Variants in ATP2A3 observed in about 807,000 individuals in gnomAD.
ATP2A3 encodes ATPase sarcoplasmic/endoplasmic reticulum Ca2+ transporting 3.
Under a neutral mutation model 106.8 loss-of-function variants are expected in ATP2A3, and 61 were observed. The observed-to-expected ratio is 0.57, with a 90% CI of 0.46 to 0.71. The LOEUF (loss-of-function observed/expected upper bound fraction) is 0.71, where lower values mean the gene tolerates loss of function less well. Among genes scored for constraint, ATP2A3 ranks in the 30% least tolerant of loss-of-function variants. ATP2A3 has a pLI of 0.00. For synonymous variants in ATP2A3, 611 were observed against 609.3 expected (o/e 1.00, Z -0.04); for missense variants, 1,201 against 1,423.5 (o/e 0.84, Z 2.52).
At position 3,955,544 on chromosome 17, in the gene ATP2A3, C is replaced by T. The variant is rs542084571; in HGVS notation, c.119-1834G>A. On this transcript the variant is annotated intron_variant, in intron 1 of 20. Transcript: ENST00000397041. This position sits in a 1 kb window ranked among gnomAD's most constrained non-coding sequence, Gnocchi z 4.2. The stretch of plus-strand genomic sequence containing the variant: ...TTCCTTCTGATCTATTTAGCTGAGG[C>T]GAACAGGAAAGGCGGGGGGAGGGCC... Among the ~76,000 whole-genome samples, 1 of 152,328 alleles carries T rather than the reference C, an allele frequency of 6.6e-6. No individual in the cohort carries two copies. Among genetic ancestry groups the T allele is most frequent in the Non-Finnish European group, 1.5e-5 (1 of 68,034 alleles).
At chr17:3,951,553 G>GCCCC in intron 4 of ATP2A3, 28 bp downstream of exon 4, 1 of 647,366 alleles carries the variant, frequency 1.5e-6, no homozygotes, top group Non-Finnish European at 2.1e-6. Flanking sequence ...ACCGCCCCCC[G>GCCCC]CCCGGTCCCA....
rs1381525143 is a variant in ATP2A3, at chr17:3,930,011, A to T, written c.2744+290T>A. Among the ~76,000 whole-genome samples, 1 of 133,456 alleles carries T rather than the reference A, an allele frequency of 7.5e-6. No homozygotes were observed. The highest frequency in any genetic ancestry group is 3.0e-5 in the African/African-American group (1 of 33,878). 87.6% of individuals were successfully genotyped at this position (133,456 alleles called of 152,430 possible). A position where few individuals can be genotyped will look rare whatever the true frequency, so the allele number is the denominator to read the frequency against. On this transcript the variant is annotated intron_variant, in intron 18 of 20. Transcript: ENST00000397041. This position sits in a 1 kb window ranked among gnomAD's most constrained non-coding sequence, Gnocchi z 5.4. ...TAGACCCCAGTCTGGGATGCTCTTG[A>T]CCTCTGGACCCCAATCCTGGACCCC...
chr17:3,937,665 C>A, intron 14 of ATP2A3, 29 bp from the exon 15 acceptor site: 1 of 1,607,048 alleles, frequency 6.2e-7, no homozygotes, highest in Non-Finnish European at 8.5e-7. Context: ...AGGGCTGTGC[C>A]TGAGAAACTT....
chr17:3,948,811 A>G (rs932520762), intron 7 of ATP2A3, among the ~76,000 whole-genome samples: 3 of 152,080 alleles, frequency 2.0e-5, no homozygotes, highest in African/African-American at 7.2e-5. Flanking sequence ...CAAGGCTTCT[A>G]TGCAGCTAGG....
intron 14 of ATP2A3, among the ~76,000 whole-genome samples, chr17:3,938,627 C>A (rs2053575472): frequency 6.6e-6 from 1 of 151,446 alleles, no homozygotes; most frequent in African/African-American, 2.4e-5. Context: ...CTCACTGCAA[C>A]CTCCTCCTCC....
intron 8 of ATP2A3, among the ~76,000 whole-genome samples, chr17:3,946,107 G>C (rs2054099214): frequency 6.6e-6 from 1 of 151,870 alleles, no homozygotes; most frequent in Non-Finnish European, 1.5e-5. Context: ...AACTAGCTGG[G>C]TGTGGTGGCA....
chr17:3,946,300 C>T (rs992389903), intron 8 of ATP2A3, among the ~76,000 whole-genome samples: 3 of 151,646 alleles, frequency 2.0e-5, no homozygotes, highest in Admixed American at 6.6e-5. Flanking sequence ...GGCTGAAATC[C>T]CTGCACTTTG....
At position 3,940,031 on chromosome 17, in the gene ATP2A3, C is replaced by CTTTTTTTTTTTTTTTTT. The variant is rs1174008086; in HGVS notation, c.2100+939_2100+940insAAAAAAAAAAAAAAAAA. Among the ~76,000 whole-genome samples, 18 of 96,518 alleles carry CTTTTTTTTTTTTTTTTT rather than the reference C, an allele frequency of 1.9e-4. 3 individuals carry two copies. The highest frequency in any genetic ancestry group is 8.5e-4 in the African/African-American group (18 of 21,140). 63.3% of individuals were successfully genotyped at this position (96,518 alleles called of 152,430 possible). A position where few individuals can be genotyped will look rare whatever the true frequency, so the allele number is the denominator to read the frequency against. The stretch of plus-strand genomic sequence containing the variant: ...ATGGGTTGATGGTAATGTGTCATAT[C>CTTTTTTTTTTTTTTTTT]TTTTTTTTTTTGTTTTTTGTTTTTT... On this transcript the variant is annotated intron_variant, in intron 14 of 20. Coordinates refer to ENST00000397041, the MANE Select transcript of ATP2A3 (RefSeq NM_005173.4).
In ATP2A3 at chr17:3,937,694, T is replaced by C. The variant is rs1303481820; in HGVS notation, c.2101-58A>G. 1.1e-5 allele frequency: 17 copies of C among 1,538,632 alleles called. No homozygotes were observed. In the African/African-American group the frequency reaches 1.2e-4, roughly 11 times the overall value. ...GAAACTTCCCTTCCACCTCCCCATCTCTTCTCAACTCAGCCCACCCCCAAT... is the reference window on the plus strand; with the variant it reads ...GAAACTTCCCTTCCACCTCCCCATCCCTTCTCAACTCAGCCCACCCCCAAT... On this transcript the variant is annotated intron_variant, in intron 14 of 20. Transcript: ENST00000397041.
chr17:3,938,349 G>A (rs954624116), intron 14 of ATP2A3, among the ~76,000 whole-genome samples: 9 of 151,980 alleles, frequency 5.9e-5, no homozygotes, highest in South Asian at 2.1e-4. Flanking sequence ...CAGGGGAGTC[G>A]CTTGAGCCCG....
chr17:3,963,383 C>A (rs2144811708), intron 1 of ATP2A3, among the ~76,000 whole-genome samples: 1 of 152,372 alleles, frequency 6.6e-6, no homozygotes, highest in Non-Finnish European at 1.5e-5. Flanking sequence ...TATTTTCCAC[C>A]CTCATGGGAC....
In ATP2A3 at chr17:3,928,749, C is replaced by A; in HGVS notation, c.2894G>T (p.Arg965Leu). 1 of 1,552,758 alleles carries A rather than the reference C, an allele frequency of 6.4e-7. No individual in the cohort carries two copies. ...TATCTGGAGCACCACCACCCACTGG[C>A]GCCCGCTCAGTGGGGTCACCTGGAA... Reference protein sequence around the residue: ...LIFQVTPLSGRQWVVVLQISL... With the variant: ...LIFQVTPLSGLQWVVVLQISL... Residue 965 changes from arginine to leucine, a missense_variant, in exon 20 of 21, where the codon CGC becomes CTC. Arg to Leu is a moderately radical substitution (Grantham distance 102). Transcript: ENST00000397041. This position sits in a 1 kb window ranked among gnomAD's most constrained non-coding sequence, Gnocchi z 6.1.
At chr17:3,960,017 G>A (rs1273551536) in intron 1 of ATP2A3, among the ~76,000 whole-genome samples, 1 of 152,230 alleles carries the variant, frequency 6.6e-6, no homozygotes, top group South Asian at 2.1e-4. Context: ...GCCAGTGGGA[G>A]TGAAAACTAG....
intron 14 of ATP2A3, among the ~76,000 whole-genome samples, chr17:3,938,051 GA>G (rs1306542760): frequency 6.6e-6 from 1 of 152,220 alleles, no homozygotes; most frequent in Non-Finnish European, 1.5e-5. Context: ...TAGTCAAGTT[GA>G]AGATCAAGGC....
chr17:3,960,837 C>T (rs910364683), intron 1 of ATP2A3, among the ~76,000 whole-genome samples: 18 of 152,200 alleles, frequency 1.2e-4, no homozygotes, highest in African/African-American at 4.1e-4. Context: ...ACTTAGACCC[C>T]ACAGTTCCAC....
At chr17:3,950,907 C>A (rs984261715) in intron 5 of ATP2A3, 134 bp from the exon 6 acceptor site, 1 of 901,402 alleles carries the variant, frequency 1.1e-6, no homozygotes, top group Non-Finnish European at 1.7e-6. Context: ...GTGACCCCTG[C>A]CCCTCTGGCC....
At position 3,934,369 on chromosome 17, in the gene ATP2A3, C is replaced by T. The variant is rs1237087613; in HGVS notation, c.2610+823G>A. 4.6e-5 allele frequency among the ~76,000 whole-genome samples: 7 copies of T among 152,082 alleles called. 1 individual carries two copies. The South Asian group carries it at 1.5e-3, about 32-fold the overall frequency. On this transcript the variant is annotated intron_variant, in intron 17 of 20. Transcript: ENST00000397041. Reference sequence around the variant, plus strand: ...CTCCCAAGAAGCTACAGGCACACATCACCGTGCCTGGTTCATTTTTATTTT... The same window carrying T: ...CTCCCAAGAAGCTACAGGCACACATTACCGTGCCTGGTTCATTTTTATTTT...
Position 3,935,207 on chromosome 17 carries a change from G to A in ATP2A3, c.2595C>T (p.Ile865=), listed in dbSNP as rs775753887. The A allele has an allele frequency of 1.9e-6, 3 of 1,614,098 alleles. No individual in the cohort carries two copies. The highest frequency in any genetic ancestry group is 2.2e-5 in the South Asian group (2 of 91,080). Residue 865 remains isoleucine (I), a synonymous_variant, in exon 17 of 21, where the codon ATC becomes ATT. Transcript: ENST00000397041. Reference sequence around the variant, plus strand: ...CCTTGCTCACCAGCTGGTAGAAGTTGATGTGAGGTCCCTCGGCGTCATACA... The same window carrying A: ...CCTTGCTCACCAGCTGGTAGAAGTTAATGTGAGGTCCCTCGGCGTCATACA... The part of the protein sequence containing the change: ...WFVYDAEGPH[I]NFYQLRNFLK...
In ATP2A3 at chr17:3,947,914, C is replaced by A; in HGVS notation, c.631-59G>T. 2 of 1,539,956 alleles carry A rather than the reference C, an allele frequency of 1.3e-6. No homozygotes were observed. Among genetic ancestry groups the A allele is most frequent in the South Asian group, 1.1e-5 (1 of 89,146 alleles). On this transcript the variant is annotated intron_variant, in intron 7 of 20. Coordinates refer to ENST00000397041, the MANE Select transcript of ATP2A3 (RefSeq NM_005173.4). This position sits in a 1 kb window ranked among gnomAD's most constrained non-coding sequence, Gnocchi z 7.7. ...AGCAGCCAACCAGGGGCCCAGGACC[C>A]CTGACTCCTTCAGGCCGGAATAAGG...
Sources: allele counts gnomAD v4.1 joint callset (sites outside exome capture counted in the v4.1 genomes callset), GRCh38; gene constraint gnomAD v4.1.1; non-coding constraint Gnocchi (gnomAD v3.1); transcripts MANE v1.5; gene names NCBI Gene and HGNC (gene_info 2026-07-23, HGNC 2026-07-21).